Variants in TNNI3K observed in about 807,000 individuals in gnomAD.
The protein encoded by TNNI3K is TNNI3 interacting kinase.
A neutral mutation model predicts 114.5 loss-of-function variants in TNNI3K; 140 were observed. That is an observed-to-expected ratio of 1.22 (90% CI 1.07 to 1.41). The LOEUF is 1.41. Among genes scored for constraint, TNNI3K ranks in the 40% most tolerant of loss-of-function variants. The probability of loss-of-function intolerance (pLI) is 0.00; values close to 1 mark genes in which losing one functional copy is unlikely to be tolerated. For missense variants in TNNI3K, 1,125 were observed against 1,007.6 expected, an observed-to-expected ratio of 1.12 and a Z score of -1.58; for synonymous variants, 347 against 347.5, an observed-to-expected ratio of 1.00 and a Z score of 0.02.
At chr1:74,521,099 A>T (rs567603966) in intron 23 of TNNI3K, among the ~76,000 whole-genome samples, 9 of 152,252 alleles carry the variant, frequency 5.9e-5, no homozygotes. Context: ...ACTTCAGAAT[A>T]TTTTTAGATA....
chr1:74,298,837 C>A (rs935570177), intron 5 of TNNI3K, among the ~76,000 whole-genome samples: 1 of 152,092 alleles, frequency 6.6e-6, no homozygotes, highest in East Asian at 1.9e-4. Context: ...CTGAAGGAAT[C>A]AGAAAGTGTC....
chr1:74,457,552 A>G (rs1667277169), intron 20 of TNNI3K, among the ~76,000 whole-genome samples: 1 of 152,228 alleles, frequency 6.6e-6, no homozygotes, highest in Non-Finnish European at 1.5e-5. Flanking sequence ...CCCATTAAAA[A>G]CAATGAAGTA....
Position 74,315,690 on chromosome 1 carries a change from G to GA in TNNI3K, c.445-15754dup, listed in dbSNP as rs546007940. Among the ~76,000 whole-genome samples the GA allele has an allele frequency of 4.1e-3, 622 of 152,118 alleles. 4 individuals are homozygous for GA. Among genetic ancestry groups the GA allele is most frequent in the Non-Finnish European group, 6.9e-3 (469 of 67,962 alleles). On this transcript the variant is annotated intron_variant, in intron 5 of 24. Coordinates refer to ENST00000326637, the MANE Select transcript of TNNI3K (RefSeq NM_015978.3). ...AGTCTTATTTCCCAAAAGACAGGGG[G>GA]AAAAAATCTATCATCGATTCTCCTT...
At chr1:74,501,643 C>T (rs570159840) in intron 23 of TNNI3K, among the ~76,000 whole-genome samples, 150 of 152,134 alleles carry the variant, frequency 9.9e-4, no homozygotes, top group African/African-American at 3.3e-3. Context: ...CGCACTACCA[C>T]GCCCGGGTAA....
intron 21 of TNNI3K, chr1:74,464,888 T>G: frequency 7.7e-7 from 1 of 1,302,168 alleles, no homozygotes; most frequent in Non-Finnish European, 9.7e-7. Flanking sequence ...AGCTGGATGC[T>G]TAAGAATGTT....
At chr1:74,281,398 G>A (rs1488709940) in intron 5 of TNNI3K, among the ~76,000 whole-genome samples, 1 of 149,110 alleles carries the variant, frequency 6.7e-6, no homozygotes, top group African/African-American at 2.5e-5. Flanking sequence ...ACACTACCTA[G>A]CACATAAACT....
chr1:74,510,777 T>C (rs1042054768), intron 23 of TNNI3K, among the ~76,000 whole-genome samples: 1 of 152,226 alleles, frequency 6.6e-6, no homozygotes, highest in Non-Finnish European at 1.5e-5. Flanking sequence ...CACAAATGTG[T>C]GTTGATTTCC....
intron 23 of TNNI3K, among the ~76,000 whole-genome samples, chr1:74,528,395 C>T (rs1018890908): frequency 1.3e-4 from 19 of 151,918 alleles, no homozygotes; most frequent in African/African-American, 4.1e-4. Flanking sequence ...GGGGAATAGG[C>T]GGGTAGGTGT....
intron 23 of TNNI3K, among the ~76,000 whole-genome samples, chr1:74,527,623 A>G (rs545100206): frequency 6.6e-6 from 1 of 152,212 alleles, no homozygotes; most frequent in Non-Finnish European, 1.5e-5. Flanking sequence ...AGGCCAGGTC[A>G]TGAGGGCTTT....
At chr1:74,264,041 C>A (rs556816517) in intron 4 of TNNI3K, among the ~76,000 whole-genome samples, 1 of 151,300 alleles carries the variant, frequency 6.6e-6, no homozygotes, top group Non-Finnish European at 1.5e-5. Context: ...AGGCAGCCTG[C>A]AGGAATAAAT....
intron 7 of TNNI3K, among the ~76,000 whole-genome samples, chr1:74,342,203 T>G: frequency 6.6e-6 from 1 of 152,146 alleles, no homozygotes; most frequent in East Asian, 1.9e-4. Context: ...TAAGGCTGGG[T>G]GTTTCAACGA....
At chr1:74,492,900 T>C (rs1669150954) in intron 23 of TNNI3K, among the ~76,000 whole-genome samples, 1 of 152,194 alleles carries the variant, frequency 6.6e-6, no homozygotes, top group Non-Finnish European at 1.5e-5. Flanking sequence ...TTCAGCATGG[T>C]TGAGGTTCTG....
intron 17 of TNNI3K, among the ~76,000 whole-genome samples, chr1:74,390,306 A>AC (rs1315593289): frequency 6.6e-6 from 1 of 152,190 alleles, no homozygotes; most frequent in Non-Finnish European, 1.5e-5. Context: ...AATTAGACTT[A>AC]CCCATTAACA....
At chr1:74,389,113 T>C (rs17097884) in intron 17 of TNNI3K, among the ~76,000 whole-genome samples, 2,098 of 152,122 alleles carry the variant, frequency 0.014, 49 homozygotes, top group African/African-American at 0.047. Flanking sequence ...TTATGGAGAG[T>C]GGCTTAGTAC....
intron 20 of TNNI3K, among the ~76,000 whole-genome samples, chr1:74,457,486 G>A (rs1051812331): frequency 2.6e-5 from 4 of 152,262 alleles, no homozygotes; most frequent in Non-Finnish European, 5.9e-5. Flanking sequence ...CAAAGAATGT[G>A]TCTTAGCTCT....
chr1:74,255,833 A>G (rs1655253826), intron 4 of TNNI3K, among the ~76,000 whole-genome samples: 1 of 152,084 alleles, frequency 6.6e-6, no homozygotes, highest in South Asian at 2.1e-4. Context: ...CTGTCACTAT[A>G]GTTTTCTCTT....
At chr1:74,292,396 G>T (rs1479943662) in intron 5 of TNNI3K, among the ~76,000 whole-genome samples, 2 of 151,130 alleles carry the variant, frequency 1.3e-5, no homozygotes, top group African/African-American at 2.4e-5. Context: ...GCACATTTAA[G>T]TTGTAATATA....
intron 24 of TNNI3K, among the ~76,000 whole-genome samples, chr1:74,540,564 T>A (rs560721083): frequency 6.6e-6 from 1 of 151,518 alleles, no homozygotes; most frequent in Non-Finnish European, 1.5e-5. Context: ...TGTGAGTGCC[T>A]GTATGTGTTT....
intron 17 of TNNI3K, among the ~76,000 whole-genome samples, chr1:74,417,677 CGTGTTTGT>C (rs1259912327): frequency 2.6e-5 from 2 of 77,980 alleles, no homozygotes; most frequent in African/African-American, 1.2e-4. Context: ...GAAAAGTGTA[CGTGTTTGT>C]GTGTGTGTGT....
Sources: allele counts gnomAD v4.1 joint callset (sites outside exome capture counted in the v4.1 genomes callset), GRCh38; gene constraint gnomAD v4.1.1; transcripts MANE v1.5; gene names NCBI Gene and HGNC (gene_info 2026-07-23, HGNC 2026-07-21).